Variants in ZDHHC6 observed in about 807,000 individuals in gnomAD.
The protein encoded by ZDHHC6 is zDHHC palmitoyltransferase 6.
ZDHHC6 carries 32 observed loss-of-function variants against 57.8 expected under a neutral mutation model. The ratio of observed to expected loss-of-function variants is 0.55; its 90% CI spans 0.42 to 0.74. The LOEUF (loss-of-function observed/expected upper bound fraction) is 0.74. ZDHHC6 is among the 30% of genes least tolerant of loss of function. The probability of loss-of-function intolerance (pLI) is 0.00; values close to 1 mark genes in which losing one functional copy is unlikely to be tolerated. For missense variants in ZDHHC6, 433 were observed against 500.7 expected, an observed-to-expected ratio of 0.86 and a Z score of 1.29; for synonymous variants, 128 against 158.0, an observed-to-expected ratio of 0.81 and a Z score of 1.42.
intron 8 of ZDHHC6, 30 bp from the exon 9 acceptor site, chr10:112,432,551 A>C (rs779426493): frequency 2.5e-6 from 4 of 1,596,350 alleles, no homozygotes; most frequent in Non-Finnish European, 3.4e-6. Context: ...GAAACCTTTA[A>C]ATATTCACCC....
At position 112,443,651 on chromosome 10, in the gene ZDHHC6, ATATAAG is replaced by A. The variant is rs141853988; in HGVS notation, c.268-51_268-46del. ...CAAAAATGCATCATCGGATACTTGA[ATATAAG>A]TATGATTCCTACGGTATGATTTTCT... On this transcript the variant is annotated intron_variant, in intron 2 of 10. Transcript: ENST00000369405. 1,392 of 1,471,026 alleles carry A rather than the reference ATATAAG, an allele frequency of 9.5e-4. 9 individuals carry two copies. The African/African-American group carries it at 0.016, about 17-fold the overall frequency. 91.1% of individuals were successfully genotyped at this position (1,471,026 alleles called of 1,614,324 possible). A position where few individuals can be genotyped will look rare whatever the true frequency, so the allele number is the denominator to read the frequency against.
At position 112,441,135 on chromosome 10, in the gene ZDHHC6, G is replaced by A. The variant is rs563056803; in HGVS notation, c.520-440C>T. Among the ~76,000 whole-genome samples, 18 of 152,332 alleles carry A rather than the reference G, an allele frequency of 1.2e-4. No individual in the cohort carries two copies. The South Asian group carries it at 3.5e-3, about 30-fold the overall frequency. On this transcript the variant is annotated intron_variant, in intron 4 of 10. Coordinates refer to ENST00000369405, the MANE Select transcript of ZDHHC6 (RefSeq NM_022494.3). ...GCTAGGATTACAGGCGTGAGCCACTGAGCTGGGCCAGCTATTTTTAATTAA... is the reference window on the plus strand; with the variant it reads ...GCTAGGATTACAGGCGTGAGCCACTAAGCTGGGCCAGCTATTTTTAATTAA...
chr10:112,444,714 T>C (rs559821369), intron 2 of ZDHHC6, among the ~76,000 whole-genome samples: 1 of 152,332 alleles, frequency 6.6e-6, no homozygotes, highest in Admixed American at 6.5e-5. Flanking sequence ...TATAAATGGA[T>C]TTGGACTATA....
intron 6 of ZDHHC6, among the ~76,000 whole-genome samples, chr10:112,434,979 A>G (rs1845385545): frequency 6.6e-6 from 1 of 152,240 alleles, no homozygotes. Context: ...TGACCAGGAA[A>G]GGTGTAACAG....
chr10:112,447,532 G>GTTCCA, upstream of ZDHHC6: 3 of 1,542,484 alleles, frequency 1.9e-6, no homozygotes, highest in African/African-American at 1.4e-5. Flanking sequence ...GCGGTGGAAC[G>GTTCCA]CCGCCCGAGT....
rs1846188317 is a variant in ZDHHC6 at position 112,442,296 on chromosome 10, G to A, written c.415C>T (p.Gln139Ter). ...AACAGTGTGAACGAAGCATGATTTT[G>A]GTAACCACAACAGTTGTTGATCCAA... ...CPWINNCCGYQNHASFTLFLL... is the reference protein window; with the variant it reads ...CPWINNCCGY Residue 139 changes from glutamine to a stop codon, truncating the protein, a stop_gained, in exon 4 of 11, where the codon CAA (glutamine) becomes TAA (stop). Transcript: ENST00000369405. LOFTEE classifies it high-confidence loss of function. 6.2e-7 allele frequency: 1 copy of A among 1,613,894 alleles called. No homozygotes were observed.
intron 10 of ZDHHC6, among the ~76,000 whole-genome samples, chr10:112,431,802 G>T (rs988114552): frequency 1.3e-5 from 2 of 152,126 alleles, no homozygotes; most frequent in South Asian, 2.1e-4. Context: ...TGCTCAAAGT[G>T]GGGGCAGCAA....
At chr10:112,435,857 C>T (rs1381645668) in intron 6 of ZDHHC6, among the ~76,000 whole-genome samples, 1 of 152,004 alleles carries the variant, frequency 6.6e-6, no homozygotes, top group African/African-American at 2.4e-5. Context: ...AACAGAAACA[C>T]TCAATGAAGT....
intron 2 of ZDHHC6, among the ~76,000 whole-genome samples, chr10:112,444,737 A>G (rs1846470835): frequency 6.6e-6 from 1 of 152,240 alleles, no homozygotes; most frequent in South Asian, 2.1e-4. Flanking sequence ...TCCCAATGTT[A>G]TATTTTCAGT....
downstream of ZDHHC6, among the ~76,000 whole-genome samples, chr10:112,428,770 CAA>C (rs11311716): frequency 2.6e-4 from 38 of 144,112 alleles, no homozygotes; most frequent in Middle Eastern, 3.6e-3. Context: ...GACTCTGTCT[CAA>C]AAAAAAAAAA....
At chr10:112,436,394 T>G (rs1379321149) in intron 6 of ZDHHC6, among the ~76,000 whole-genome samples, 3 of 152,330 alleles carry the variant, frequency 2.0e-5, no homozygotes, top group Admixed American at 6.5e-5. Flanking sequence ...GAGAATCACT[T>G]GAACCCAGGA....
Position 112,442,101 on chromosome 10 carries a change from A to G in ZDHHC6, c.519+91T>C, listed in dbSNP as rs1314956687. On this transcript the variant is annotated intron_variant, in intron 4 of 10. Transcript: ENST00000369405. ...TTTCCCCAACTAAATCACAGAAAGC[A>G]TATTTCCAAAAGGAACCTCTTAAAT... 6.6e-6 allele frequency: 9 copies of G among 1,354,592 alleles called. No individual in the cohort carries two copies. In the South Asian group the frequency reaches 1.2e-4, roughly 18 times the overall value. 83.9% of individuals were successfully genotyped at this position (1,354,592 alleles called of 1,614,324 possible).
At chr10:112,428,217 C>T, downstream of ZDHHC6, 1 of 375,010 alleles carries the variant, frequency 2.7e-6, no homozygotes, top group Non-Finnish European at 4.7e-6. Context: ...CAAAGATCTA[C>T]AGGCAAGCAA....
In ZDHHC6 at chr10:112,434,361, C is replaced by G. The variant is rs562643133; in HGVS notation, c.839G>C (p.Gly280Ala). Residue 280 changes from glycine to alanine, a missense_variant, in exon 7 of 11, where the codon GGG (glycine) becomes GCG (alanine). Physicochemically the swap from Gly to Ala is moderately conservative, Grantham distance 60. Transcript: ENST00000369405. ...RNFKQVFTWS[G>A]VPEGDGLEWP... is the part of the protein sequence containing the mutation. ...CTCAAGTCCATCTCCTTCAGGGACC[C>G]CTGACCACGTAAATACCTGTTTAAA... The G allele has an allele frequency of 1.9e-6, 3 of 1,613,734 alleles. No individual in the cohort carries two copies. The highest frequency in any genetic ancestry group is 1.3e-5 in the African/African-American group (1 of 74,886).
Position 112,445,288 on chromosome 10 carries a change from T to C in ZDHHC6, c.149A>G (p.His50Arg). 1 of 1,614,222 alleles carries C rather than the reference T, an allele frequency of 6.2e-7. No homozygotes were observed. Among genetic ancestry groups the C allele is most frequent in the Non-Finnish European group, 8.5e-7 (1 of 1,180,050 alleles). The stretch of plus-strand genomic sequence containing the variant: ...GAAATTCACACTTCCTCCAGTTGTA[T>C]GTAAGGGCCAATACCACAACACAGA... ...IDSVLWYWPL[H>R]TTGGSVNFIM... is the part of the protein sequence containing the mutation. The change falls in exon 2 of 11, where the codon CAT becomes CGT. Residue 50 changes from histidine to arginine, a missense_variant. Transcript: ENST00000369405.
At chr10:112,447,210 G>A (rs1564775779), upstream of ZDHHC6, 1 of 640,774 alleles carries the variant, frequency 1.6e-6, no homozygotes, top group African/African-American at 1.8e-5. Flanking sequence ...AACCGAGATT[G>A]CGACGAACAA....
At chr10:112,447,035 G>GCATA, upstream of ZDHHC6, 1 of 291,574 alleles carries the variant, frequency 3.4e-6, no homozygotes, top group South Asian at 6.4e-5. Flanking sequence ...CCGATTCCCA[G>GCATA]AACACGAAGG....
At position 112,430,745 on chromosome 10, in the gene ZDHHC6, A is replaced by G; in HGVS notation, c.*59T>C. ...AGGCTCATTGCATAATTCTTTAGTA[A>G]TATGTACAATTTTCAAGTAATTAAG... is the stretch of plus-strand genomic sequence containing the variant. On this transcript the variant is annotated 3_prime_UTR_variant, in exon 11 of 11. Transcript: ENST00000369405. The G allele has an allele frequency of 2.1e-6, 3 of 1,459,748 alleles. No individual in the cohort carries two copies. The highest frequency in any genetic ancestry group is 4.6e-5 in the East Asian group (2 of 43,838). The allele number at this position is 1,459,748 out of a possible 1,614,324, so 90.4% of individuals were successfully genotyped here.
At position 112,446,897 on chromosome 10, in the gene ZDHHC6, C is replaced by T; in HGVS notation, c.-407G>A. Reference sequence around the variant, plus strand: ...TACAAGCCGAGCACCTCTCGGCCAGCGCCCTCGCCAGGACTCTCCCGCTCA... The same window carrying T: ...TACAAGCCGAGCACCTCTCGGCCAGTGCCCTCGCCAGGACTCTCCCGCTCA... On this transcript the variant is annotated 5_prime_UTR_variant, in exon 1 of 11. Coordinates refer to ENST00000369405, the MANE Select transcript of ZDHHC6 (RefSeq NM_022494.3). 5.3e-6 allele frequency: 1 copy of T among 189,968 alleles called. No individual in the cohort carries two copies. Among genetic ancestry groups the T allele is most frequent in the Non-Finnish European group, 1.1e-5 (1 of 89,146 alleles). 11.8% of individuals were successfully genotyped at this position (189,968 alleles called of 1,614,324 possible). A position where few individuals can be genotyped will look rare whatever the true frequency, so the allele number is the denominator to read the frequency against.
Sources: allele counts gnomAD v4.1 joint callset (sites outside exome capture counted in the v4.1 genomes callset), GRCh38; gene constraint gnomAD v4.1.1; transcripts MANE v1.5; gene names NCBI Gene and HGNC (gene_info 2026-07-23, HGNC 2026-07-21).